TMF1: variants seen among roughly 807,000 people sequenced by gnomAD.
TMF1 encodes the protein TATA element modulatory factor 1, also known as TATA element modulatory factor.
TMF1 carries 71 observed loss-of-function variants against 126.5 expected under a neutral mutation model. The observed-to-expected ratio is 0.56, with a 90% CI of 0.46 to 0.68. The LOEUF (loss-of-function observed/expected upper bound fraction) is 0.68, where lower values mean the gene tolerates loss of function less well. Among genes scored for constraint, TMF1 ranks in the 30% least tolerant of loss-of-function variants. The pLI is 0.00. For missense variants in TMF1, 1,259 were observed against 1,253.2 expected (o/e 1.00, Z -0.07); for synonymous variants, 461 against 430.5 (o/e 1.07, Z -0.88).
rs759507589 is a variant in TMF1 at position 69,038,529 on chromosome 3, T to C, written c.2151+35A>G. On this transcript the variant is annotated intron_variant, in intron 8 of 16. Coordinates refer to ENST00000398559, the MANE Select transcript of TMF1 (RefSeq NM_007114.3). Reference sequence around the variant, plus strand: ...ATTTGTAGAAGCATAAACAAATATTTTTAAAACTACTCTAATTCATCATCC... The same window carrying C: ...ATTTGTAGAAGCATAAACAAATATTCTTAAAACTACTCTAATTCATCATCC... 3 of 1,598,154 alleles carry C rather than the reference T, an allele frequency of 1.9e-6. No homozygotes were observed. The Admixed American group carries it at 5.3e-5, about 28-fold the overall frequency.
chr3:69,028,457 C>A (rs535535780), intron 11 of TMF1, among the ~76,000 whole-genome samples, 162 bp from the exon 12 acceptor site: 1 of 152,236 alleles, frequency 6.6e-6, no homozygotes, highest in Non-Finnish European at 1.5e-5. Flanking sequence ...CAGATCCCAT[C>A]TGAGTTTCAC....
At chr3:69,023,991 A>G in intron 16 of TMF1, 64 bp downstream of exon 16, 2 of 1,441,790 alleles carry the variant, frequency 1.4e-6, no homozygotes, top group South Asian at 1.4e-5. Flanking sequence ...TAAATTAAAA[A>G]CATGAGATTT....
intron 13 of TMF1, among the ~76,000 whole-genome samples, chr3:69,026,464 C>T (rs953259699): frequency 3.9e-5 from 6 of 152,074 alleles, no homozygotes; most frequent in Admixed American, 6.5e-5. Context: ...GGCGTGGTGG[C>T]GCATGCCTGT....
chr3:69,043,968 C>T, intron 3 of TMF1, 92 bp from the exon 4 acceptor site: 1 of 1,046,288 alleles, frequency 9.6e-7, no homozygotes, highest in African/African-American at 1.6e-5. Flanking sequence ...GATAACTTTT[C>T]TCTGACATAT....
chr3:69,025,539 CAA>C lies in TMF1; in HGVS notation c.3012+19_3012+20del, dbSNP rs761489266. ...CTCAAAACTTCATTTACTTCTATAG[CAA>C]ATTTAATTTTTCCAATACCTGTAAA... On this transcript the variant is annotated intron_variant, in intron 15 of 16. Coordinates refer to ENST00000398559, the MANE Select transcript of TMF1 (RefSeq NM_007114.3). 1.3e-6 allele frequency: 2 copies of C among 1,596,764 alleles called. No individual in the cohort carries two copies. Among genetic ancestry groups the C allele is most frequent in the Non-Finnish European group, 8.5e-7 (1 of 1,171,894 alleles).
In TMF1 at chr3:69,052,313, G is replaced by C. The variant is rs560876896; in HGVS notation, c.-227C>G. 1 of 390,888 alleles carries C rather than the reference G, an allele frequency of 2.6e-6. No individual in the cohort carries two copies. Among genetic ancestry groups the C allele is most frequent in the African/African-American group, 2.1e-5 (1 of 48,162 alleles). 24.2% of individuals were successfully genotyped at this position (390,888 alleles called of 1,614,324 possible). A position where few individuals can be genotyped will look rare whatever the true frequency, so the allele number is the denominator to read the frequency against. ...GTGCGCATGCGCTTGCTTCTTCCAC[G>C]TACACAGCAACCAAATCTACGAGCC... On this transcript the variant is annotated 5_prime_UTR_variant, in exon 1 of 17. Transcript: ENST00000398559.
At chr3:69,039,483 A>C (rs1003942564) in intron 6 of TMF1, 68 bp downstream of exon 6, 37 of 1,517,370 alleles carry the variant, frequency 2.4e-5, no homozygotes, top group South Asian at 1.9e-4. Context: ...ATGCTCCATA[A>C]CCATGGCCAA....
chr3:69,051,320 CA>C (rs1285941409), intron 1 of TMF1, among the ~76,000 whole-genome samples: 1 of 151,980 alleles, frequency 6.6e-6, no homozygotes, highest in African/African-American at 2.4e-5. Flanking sequence ...ACTAAAAATA[CA>C]AAAAGTTGCC....
At chr3:69,051,837 T>C (rs1039861799) in intron 1 of TMF1, 108 bp downstream of exon 1, 34 of 1,334,706 alleles carry the variant, frequency 2.5e-5, no homozygotes, top group Non-Finnish European at 3.4e-5. Context: ...AATTACTTCC[T>C]GAAAACTCTC....
intron 13 of TMF1, among the ~76,000 whole-genome samples, chr3:69,027,027 G>A (rs917494893): frequency 1.3e-5 from 2 of 151,578 alleles, no homozygotes; most frequent in Non-Finnish European, 1.5e-5. Context: ...AAAGAGTCTC[G>A]ATCTGTTGCC....
chr3:69,038,220 A>G (rs960143299), intron 8 of TMF1, among the ~76,000 whole-genome samples: 3 of 152,114 alleles, frequency 2.0e-5, no homozygotes, highest in African/African-American at 7.2e-5. Context: ...AGGTCCTTGG[A>G]CTCCCACAGA....
In TMF1 at chr3:69,048,274, G is replaced by A. The variant is rs747471322; in HGVS notation, c.431C>T (p.Thr144Ile). 1 of 1,614,204 alleles carries A rather than the reference G, an allele frequency of 6.2e-7. No individual in the cohort carries two copies. The highest frequency in any genetic ancestry group is 1.1e-5 in the South Asian group (1 of 91,084). ...TACTTGTGATTCAGTTGTTTCAGGA[G>A]TTCTTGACTGGCCAATGTGCAAGGA... ...HESLHIGQSR[T>I]PETTESQVKD... Residue 144 changes from threonine (T) to isoleucine (I), a missense_variant, in exon 2 of 17, where the codon ACT becomes ATT. Physicochemically the swap from Thr to Ile is moderately conservative, Grantham distance 89. Coordinates refer to ENST00000398559, the MANE Select transcript of TMF1 (RefSeq NM_007114.3).
rs867701510 is a variant in TMF1, at chr3:69,048,393, A to G, written c.312T>C (p.Thr104=). The G allele has an allele frequency of 6.2e-7, 1 of 1,614,162 alleles. No homozygotes were observed. The highest frequency in any genetic ancestry group is 8.5e-7 in the Non-Finnish European group (1 of 1,180,020). The change falls in exon 2 of 17, where the codon ACT becomes ACC. Residue 104 remains threonine (T), a synonymous_variant. Coordinates refer to ENST00000398559, the MANE Select transcript of TMF1 (RefSeq NM_007114.3). ...ENFFSAFLSP[T]DVQTIQKSPV... ...GACTCTTCTGAATGGTCTGGACATC[A>G]GTTGGCGAGAGAAAGGCACTGAAGA...
intron 10 of TMF1, chr3:69,030,402 CAG>C (rs1376082268): frequency 6.5e-6 from 1 of 154,220 alleles, no homozygotes; most frequent in Non-Finnish European, 1.4e-5. Flanking sequence ...TAGGAAAAAA[CAG>C]AGGAGAAAGT....
intron 8 of TMF1, among the ~76,000 whole-genome samples, chr3:69,037,457 T>C (rs2107462845): frequency 6.6e-6 from 1 of 151,834 alleles, no homozygotes; most frequent in African/African-American, 2.4e-5. Context: ...CTGGCCAACA[T>C]GGTGAAGCCT....
Position 69,038,838 on chromosome 3 carries a change from CT to C in TMF1, c.1994+4del. The C allele has an allele frequency of 6.3e-7, 1 of 1,583,310 alleles. No homozygotes were observed. Among genetic ancestry groups the C allele is most frequent in the Non-Finnish European group, 8.6e-7 (1 of 1,166,096 alleles). ...AATGGGTTGCATATTTGTTCATTTT[CT>C]TACTTGTATGCACTATCCAGGGCAG... On this transcript the variant is annotated splice_donor_region_variant and intron_variant, in intron 7 of 16. Transcript: ENST00000398559.
chr3:69,024,052 T>G lies in TMF1; in HGVS notation c.3138+3A>C. On this transcript the variant is annotated splice_donor_region_variant and intron_variant, in intron 16 of 16. Transcript: ENST00000398559. ...GACTCATCCTTAGGTGAAGAATACTTACTCTTAGCTGAGTTCTAAGTTTGG... is the reference window on the plus strand; with the variant it reads ...GACTCATCCTTAGGTGAAGAATACTGACTCTTAGCTGAGTTCTAAGTTTGG... 1 of 1,599,888 alleles carries G rather than the reference T, an allele frequency of 6.3e-7. No individual in the cohort carries two copies. The highest frequency in any genetic ancestry group is 8.5e-7 in the Non-Finnish European group (1 of 1,175,672).
chr3:69,024,547 A>G (rs962943322), intron 15 of TMF1, among the ~76,000 whole-genome samples: 7 of 152,154 alleles, frequency 4.6e-5, no homozygotes, highest in Admixed American at 3.9e-4. Context: ...CCACCTGTGT[A>G]GGTTGTATCG....
chr3:69,026,715 T>C (rs369885696), intron 13 of TMF1, among the ~76,000 whole-genome samples: 6 of 148,758 alleles, frequency 4.0e-5, no homozygotes, highest in African/African-American at 1.6e-4. Context: ...ATTACAACAA[T>C]GTAATTTGTT....
Sources: gnomAD v4.1 joint callset for allele counts (sites outside exome capture counted in the v4.1 genomes callset) on GRCh38, gnomAD v4.1.1 for gene constraint, MANE v1.5 for transcripts, NCBI Gene and HGNC (gene_info 2026-07-23, HGNC 2026-07-21) for gene names.